The following UGGT2 variants were observed in gnomAD, a reference collection of about 807,000 sequenced individuals.
The protein encoded by UGGT2 is UDP-glucose:glycoprotein glucosyltransferase 2.
UGGT2 carries 180 observed loss-of-function variants against 192.1 expected under a neutral mutation model. The ratio of observed to expected loss-of-function variants is 0.94; its 90% CI spans 0.83 to 1.06. The LOEUF (loss-of-function observed/expected upper bound fraction) is 1.06, where lower values mean the gene tolerates loss of function less well. UGGT2 is among the 50% of genes least tolerant of loss of function. The pLI is 0.00. For missense variants in UGGT2, 1,849 were observed against 1,795.7 expected, an observed-to-expected ratio of 1.03 and a Z score of -0.54; for synonymous variants, 580 against 591.0, an observed-to-expected ratio of 0.98 and a Z score of 0.27.
At chr13:95,859,217 G>A (rs551438377) in intron 33 of UGGT2, among the ~76,000 whole-genome samples, 12 of 152,064 alleles carry the variant, frequency 7.9e-5, no homozygotes, top group Non-Finnish European at 1.8e-4. Flanking sequence ...CTACGGTATA[G>A]GTATAGTCTT....
intron 1 of UGGT2, among the ~76,000 whole-genome samples, chr13:96,048,649 G>A (rs1436062557): frequency 1.3e-5 from 2 of 152,034 alleles, no homozygotes; most frequent in African/African-American, 4.8e-5. Context: ...AATGATAAAG[G>A]GGATATCACT....
chr13:95,870,487 G>A (rs1319457893), intron 29 of UGGT2, among the ~76,000 whole-genome samples: 1 of 152,220 alleles, frequency 6.6e-6, no homozygotes, highest in Admixed American at 6.5e-5. Flanking sequence ...CAGTGTTCCA[G>A]TGTGTAACTG....
intron 11 of UGGT2, among the ~76,000 whole-genome samples, chr13:95,970,802 G>C (rs1436265218): frequency 1.3e-5 from 2 of 152,108 alleles, no homozygotes; most frequent in Non-Finnish European, 2.9e-5. Context: ...CAACAAATTG[G>C]GGAATCTAAA....
At chr13:95,852,979 T>C (rs1335757949) in intron 36 of UGGT2, among the ~76,000 whole-genome samples, 1 of 152,078 alleles carries the variant, frequency 6.6e-6, no homozygotes, top group African/African-American at 2.4e-5. Flanking sequence ...TCCCCACCTG[T>C]TGTGGGAGGG....
At chr13:95,824,172 T>C (rs1885783129) in intron 38 of UGGT2, among the ~76,000 whole-genome samples, 1 of 152,166 alleles carries the variant, frequency 6.6e-6, no homozygotes, top group Non-Finnish European at 1.5e-5. Context: ...GTTAGTCGGA[T>C]AGGTTTTCTC....
chr13:95,867,483 A>C, intron 29 of UGGT2, 60 bp from the exon 30 acceptor site: 1 of 1,361,002 alleles, frequency 7.3e-7, no homozygotes, highest in Non-Finnish European at 1.0e-6. Context: ...TTATGATGGC[A>C]TAACAGAATA....
At chr13:95,851,083 C>T (rs1888988040) in intron 36 of UGGT2, among the ~76,000 whole-genome samples, 1 of 152,192 alleles carries the variant, frequency 6.6e-6, no homozygotes, top group South Asian at 2.1e-4. Flanking sequence ...ATTCCATTTC[C>T]TTCCTTCCTC....
At chr13:95,987,667 G>C (rs560516181) in intron 8 of UGGT2, among the ~76,000 whole-genome samples, 2 of 152,130 alleles carry the variant, frequency 1.3e-5, no homozygotes, top group South Asian at 4.2e-4. Context: ...CATGCTAAGG[G>C]GTTTAAACTT....
chr13:96,052,769 A>G (rs935603563), intron 1 of UGGT2, among the ~76,000 whole-genome samples: 2 of 152,238 alleles, frequency 1.3e-5, no homozygotes, highest in African/African-American at 4.8e-5. Flanking sequence ...TAGTAAGCCT[A>G]GGAGCTGATG....
rs570979716 is a variant in UGGT2 at position 95,854,616 on chromosome 13, T to G, written c.4009-141A>C. On this transcript the variant is annotated intron_variant, in intron 34 of 38. Transcript: ENST00000376747. ...TCACAGTGCTTTCATGTAATATGAA[T>G]TTACTGAATTTAACATTTATTCCTC... 9.0e-6 allele frequency: 6 copies of G among 663,670 alleles called. No individual in the cohort carries two copies. In the East Asian group the frequency reaches 1.9e-4, roughly 21 times the overall value. 41.1% of individuals were successfully genotyped at this position (663,670 alleles called of 1,614,324 possible).
chr13:96,001,451 T>A (rs1180524274), intron 5 of UGGT2, among the ~76,000 whole-genome samples: 1 of 151,960 alleles, frequency 6.6e-6, no homozygotes, highest in African/African-American at 2.4e-5. Context: ...CTTCGCTGAC[T>A]CTCTTTTCGG....
At chr13:95,837,928 T>A (rs951605129) in intron 36 of UGGT2, among the ~76,000 whole-genome samples, 41 of 151,988 alleles carry the variant, frequency 2.7e-4, no homozygotes, top group African/African-American at 9.7e-4. Context: ...TCTCTCAACA[T>A]CCCTATTAAA....
At chr13:95,870,502 G>A (rs1891123482) in intron 29 of UGGT2, among the ~76,000 whole-genome samples, 1 of 152,168 alleles carries the variant, frequency 6.6e-6, no homozygotes, top group South Asian at 2.1e-4. Context: ...TAACTGCTTA[G>A]CTTTCTGGGT....
chr13:95,871,788 TGAGGA>T (rs1891244804), intron 29 of UGGT2, among the ~76,000 whole-genome samples: 2 of 152,118 alleles, frequency 1.3e-5, no homozygotes, highest in African/African-American at 4.8e-5. Context: ...CCAGGAGGTA[TGAGGA>T]GACCACACCA....
chr13:95,995,020 C>T (rs1218508588), intron 7 of UGGT2, among the ~76,000 whole-genome samples: 1 of 151,936 alleles, frequency 6.6e-6, no homozygotes, highest in Non-Finnish European at 1.5e-5. Context: ...ACCAGAGTTT[C>T]AGAAATAAAA....
At chr13:95,852,028 CTATT>C (rs1889103887) in intron 36 of UGGT2, among the ~76,000 whole-genome samples, 1 of 152,202 alleles carries the variant, frequency 6.6e-6, no homozygotes, top group South Asian at 2.1e-4. Context: ...TGAAGAGACC[CTATT>C]TAGTCTGTAA....
chr13:95,997,879 C>A (rs914964355), intron 6 of UGGT2, among the ~76,000 whole-genome samples: 1 of 152,058 alleles, frequency 6.6e-6, no homozygotes, highest in African/African-American at 2.4e-5. Context: ...AGTAAAAAGG[C>A]AGTAAGAAAT....
intron 10 of UGGT2, among the ~76,000 whole-genome samples, chr13:95,980,371 T>C (rs2051079398): frequency 6.6e-6 from 1 of 151,996 alleles, no homozygotes; most frequent in Admixed American, 6.6e-5. Flanking sequence ...CCAAACATCA[T>C]ATGTTCTCAC....
intron 5 of UGGT2, among the ~76,000 whole-genome samples, chr13:96,004,303 A>C (rs1042875707): frequency 1.3e-5 from 2 of 152,214 alleles, no homozygotes; most frequent in African/African-American, 2.4e-5. Context: ...GTAATGATCA[A>C]ATCAGGGTAT....
Sources: gnomAD v4.1 joint callset for allele counts (sites outside exome capture counted in the v4.1 genomes callset) on GRCh38, gnomAD v4.1.1 for gene constraint, MANE v1.5 for transcripts, NCBI Gene and HGNC (gene_info 2026-07-23, HGNC 2026-07-21) for gene names.